Variants in DYM observed in about 807,000 individuals in gnomAD.
DYM encodes dyggve-Melchior-Clausen syndrome protein.
Under a neutral mutation model 93.1 loss-of-function variants are expected in DYM, and 78 were observed. The observed-to-expected ratio is 0.84, with a 90% CI of 0.70 to 1.01. DYM has a LOEUF of 1.01. DYM is among the 50% of genes least tolerant of loss of function. DYM has a pLI of 0.00. For missense variants in DYM, 789 were observed against 845.0 expected (o/e 0.93, Z 0.82); for synonymous variants, 321 against 319.7 (o/e 1.00, Z -0.04).
At chr18:49,326,373 A>C (rs1336581126) in intron 8 of DYM, among the ~76,000 whole-genome samples, 1 of 152,076 alleles carries the variant, frequency 6.6e-6, no homozygotes, top group Non-Finnish European at 1.5e-5. Flanking sequence ...CTTTGCTTGC[A>C]CCTAGCATAG....
chr18:49,041,715 C>T lies in DYM; in HGVS notation c.*2340G>A, dbSNP rs1412534237. 1 of 152,224 alleles carries T rather than the reference C, an allele frequency of 6.6e-6. No individual in the cohort carries two copies. Among genetic ancestry groups the T allele is most frequent in the African/African-American group, 2.4e-5 (1 of 41,428 alleles). The allele number at this position is 152,224 out of a possible 1,614,324, so 9.4% of individuals were successfully genotyped here. ...ATGAGAAAAGGGAAAGAGGGGAGGG[C>T]AATCAGGGTTCTGGGGGCACCTCAG... is the stretch of plus-strand genomic sequence containing the variant. On this transcript the variant is annotated 3_prime_UTR_variant, in exon 18 of 18. Coordinates refer to ENST00000675505, the MANE Select transcript of DYM (RefSeq NM_001353214.3).
intron 13 of DYM, among the ~76,000 whole-genome samples, chr18:49,247,509 G>A (rs1342406467): frequency 2.0e-5 from 3 of 152,076 alleles, no homozygotes; most frequent in Non-Finnish European, 2.9e-5. Context: ...GGACAAAGTT[G>A]AACCACACCA....
At chr18:49,385,931 T>C (rs9964222) in intron 3 of DYM, among the ~76,000 whole-genome samples, 17,429 of 152,082 alleles carry the variant, frequency 0.11, 1,355 homozygotes, top group African/African-American at 0.22. Flanking sequence ...AAAACATTAA[T>C]CTACACATCT....
At chr18:49,266,418 C>T (rs138572515) in intron 11 of DYM, among the ~76,000 whole-genome samples, 14 of 152,218 alleles carry the variant, frequency 9.2e-5, no homozygotes, top group African/African-American at 3.4e-4. Flanking sequence ...GAGTTTGAGA[C>T]CAGCCTGGGC....
intron 13 of DYM, among the ~76,000 whole-genome samples, chr18:49,256,483 C>T (rs780641906): frequency 2.9e-4 from 44 of 152,198 alleles, no homozygotes; most frequent in Non-Finnish European, 5.1e-4. Context: ...AGCCTCCAGA[C>T]AGAAATGCAG....
At chr18:49,117,856 C>T (rs1238603508) in intron 16 of DYM, among the ~76,000 whole-genome samples, 1 of 152,060 alleles carries the variant, frequency 6.6e-6, no homozygotes, top group African/African-American at 2.4e-5. Flanking sequence ...GTTGATGGAA[C>T]ATATATTATA....
chr18:49,047,626 T>A (rs1049559806), intron 17 of DYM, among the ~76,000 whole-genome samples: 1 of 152,156 alleles, frequency 6.6e-6, no homozygotes, highest in Non-Finnish European at 1.5e-5. Flanking sequence ...TGCACAGTGC[T>A]CTCTGGGTGT....
At chr18:49,306,569 C>A (rs141724771) in intron 8 of DYM, among the ~76,000 whole-genome samples, 97 of 151,934 alleles carry the variant, frequency 6.4e-4, no homozygotes, top group African/African-American at 2.3e-3. Context: ...AGTAATTGAA[C>A]AGGCATGTGA....
chr18:49,126,788 GAA>G (rs1399116163), intron 15 of DYM, among the ~76,000 whole-genome samples: 2 of 152,054 alleles, frequency 1.3e-5, no homozygotes, highest in African/African-American at 4.8e-5. Context: ...TTTTGAAGGA[GAA>G]AAATCATTTT....
chr18:49,138,735 G>T (rs1279550032), intron 15 of DYM, among the ~76,000 whole-genome samples: 1 of 152,170 alleles, frequency 6.6e-6, no homozygotes, highest in Non-Finnish European at 1.5e-5. Context: ...TCCAGTAGGG[G>T]AGAACTGAAA....
At chr18:49,135,101 T>C (rs2083711777) in intron 15 of DYM, among the ~76,000 whole-genome samples, 1 of 151,384 alleles carries the variant, frequency 6.6e-6, no homozygotes, top group South Asian at 2.1e-4. Context: ...AGAGCAAAAC[T>C]CCATCTCGGA....
At chr18:49,166,989 CGT>C (rs61299099) in intron 14 of DYM, among the ~76,000 whole-genome samples, 24,058 of 141,664 alleles carry the variant, frequency 0.17, 2,022 homozygotes, top group East Asian at 0.24. Flanking sequence ...TCTCACATTC[CGT>C]GTGTGTGTGT....
intron 1 of DYM, among the ~76,000 whole-genome samples, chr18:49,440,922 TA>T (rs2081342894): frequency 3.7e-4 from 2 of 5,356 alleles, no homozygotes; most frequent in African/African-American, 6.2e-4. Flanking sequence ...ATATTTTATA[TA>T]ATATATTATA....
intron 17 of DYM, among the ~76,000 whole-genome samples, chr18:49,052,883 C>T (rs1278682571): frequency 6.6e-6 from 1 of 152,214 alleles, no homozygotes; most frequent in Non-Finnish European, 1.5e-5. Flanking sequence ...TCAGCTAGAA[C>T]TGGCTGGCAC....
intron 6 of DYM, among the ~76,000 whole-genome samples, chr18:49,350,000 C>CA (rs2064968205): frequency 6.6e-6 from 1 of 152,146 alleles, no homozygotes; most frequent in Admixed American, 6.5e-5. Flanking sequence ...CTTTAACTTA[C>CA]AAAAAATTTT....
chr18:49,456,083 G>C (rs1410061285), intron 1 of DYM, among the ~76,000 whole-genome samples: 1 of 152,184 alleles, frequency 6.6e-6, no homozygotes, highest in Non-Finnish European at 1.5e-5. Flanking sequence ...AGAGTGGACA[G>C]TCACTTCTTT....
At chr18:49,242,013 G>C (rs2094023267) in intron 13 of DYM, among the ~76,000 whole-genome samples, 3 of 152,070 alleles carry the variant, frequency 2.0e-5, no homozygotes, top group Admixed American at 1.3e-4. Flanking sequence ...TGTTCTTCAG[G>C]CGTCTTTCTG....
intron 8 of DYM, among the ~76,000 whole-genome samples, chr18:49,299,542 T>G (rs903404418): frequency 6.6e-6 from 1 of 152,122 alleles, no homozygotes; most frequent in Non-Finnish European, 1.5e-5. Flanking sequence ...CTGTCCACCC[T>G]CCACTACTAA....
chr18:49,286,988 C>T (rs1380964943), intron 8 of DYM, among the ~76,000 whole-genome samples: 4 of 152,072 alleles, frequency 2.6e-5, no homozygotes, highest in African/African-American at 4.8e-5. Context: ...GTCAGGACTT[C>T]GAGACCAGCC....
Sources: allele counts gnomAD v4.1 joint callset (sites outside exome capture counted in the v4.1 genomes callset), GRCh38; gene constraint gnomAD v4.1.1; transcripts MANE v1.5; gene names NCBI Gene and HGNC (gene_info 2026-07-23, HGNC 2026-07-21).